Variants in HSD17B12 observed in about 807,000 individuals in gnomAD.
HSD17B12 encodes very-long-chain 3-oxoacyl-CoA reductase.
HSD17B12 carries 32 observed loss-of-function variants against 39.3 expected under a neutral mutation model. The ratio of observed to expected loss-of-function variants is 0.81; its 90% CI spans 0.61 to 1.09. The LOEUF is 1.09. HSD17B12 is among the 50% of genes least tolerant of loss of function. The probability of loss-of-function intolerance (pLI) is 0.00; values close to 1 mark genes in which losing one functional copy is unlikely to be tolerated. For missense variants in HSD17B12, 342 were observed against 382.9 expected (o/e 0.89, Z 0.89); for synonymous variants, 150 against 146.7 (o/e 1.02, Z -0.16).
At chr11:43,586,767 C>T in the HSD17B12 span, among the ~76,000 whole-genome samples, 1 of 152,222 alleles carries the variant, frequency 6.6e-6, no homozygotes, top group African/African-American at 2.4e-5. Context: ...ATATCAGCCA[C>T]TTCGAGGCCA....
chr11:43,634,746 A>G, the HSD17B12 span, among the ~76,000 whole-genome samples: 1 of 152,202 alleles, frequency 6.6e-6, no homozygotes, highest in Admixed American at 6.5e-5. Flanking sequence ...AGGTGGTCCC[A>G]CAGAAGATGG....
chr11:43,581,961 G>T, the HSD17B12 span, among the ~76,000 whole-genome samples: 1 of 152,118 alleles, frequency 6.6e-6, no homozygotes, highest in Non-Finnish European at 1.5e-5. This position sits in a 1 kb window ranked among gnomAD's most constrained non-coding sequence, Gnocchi z 4.9. Context: ...CTTGAGGGAG[G>T]GGCTGGAGGC....
At chr11:43,626,916 A>G in the HSD17B12 span, among the ~76,000 whole-genome samples, 1 of 152,020 alleles carries the variant, frequency 6.6e-6, no homozygotes, top group Non-Finnish European at 1.5e-5. Flanking sequence ...CTGATAGCTA[A>G]ATAGTTACAT....
chr11:43,785,529 A>G (rs539521079), intron 3 of HSD17B12, among the ~76,000 whole-genome samples: 1 of 152,326 alleles, frequency 6.6e-6, no homozygotes, highest in East Asian at 1.9e-4. Flanking sequence ...AGTCTAAAAC[A>G]TAGTTAGATT....
chr11:43,815,496 G>A lies in HSD17B12; in HGVS notation c.451G>A (p.Asp151Asn). The change falls in exon 5 of 11, where the codon GAC becomes AAC. Residue 151 changes from aspartate (D) to asparagine (N), a missense_variant. Asp to Asn is a conservative substitution (Grantham distance 23). Coordinates refer to ENST00000278353, the MANE Select transcript of HSD17B12 (RefSeq NM_016142.3). ...ATACTTTTTGGATGTTCCTGACTTG[G>A]ACAATGTAAGTCTTTCTTTGTGTAT... ...PEYFLDVPDLDNVIKKMININ... is the reference protein window; with the variant it reads ...PEYFLDVPDLNNVIKKMININ... 1 of 1,560,048 alleles carries A rather than the reference G, an allele frequency of 6.4e-7. No individual in the cohort carries two copies. The highest frequency in any genetic ancestry group is 8.8e-7 in the Non-Finnish European group (1 of 1,140,840).
At chr11:43,687,300 C>T (rs1251981215) in intron 1 of HSD17B12, among the ~76,000 whole-genome samples, 1 of 152,188 alleles carries the variant, frequency 6.6e-6, no homozygotes, top group Non-Finnish European at 1.5e-5. Context: ...GAGAGTATGA[C>T]ATAACACTAT....
At chr11:43,844,386 A>G (rs1304879137) in intron 9 of HSD17B12, among the ~76,000 whole-genome samples, 3 of 152,186 alleles carry the variant, frequency 2.0e-5, no homozygotes, top group Non-Finnish European at 4.4e-5. Flanking sequence ...TGGGAATGCA[A>G]AAACACAGTA....
intron 3 of HSD17B12, among the ~76,000 whole-genome samples, chr11:43,782,876 A>G (rs562482173): frequency 3.2e-4 from 49 of 152,348 alleles, no homozygotes; most frequent in African/African-American, 1.1e-3. Context: ...AATAAGAGAC[A>G]AAAGTTATCA....
chr11:43,827,801 A>G (rs946250201), intron 6 of HSD17B12, among the ~76,000 whole-genome samples: 2 of 152,220 alleles, frequency 1.3e-5, no homozygotes, highest in Non-Finnish European at 1.5e-5. Flanking sequence ...GCCAGAATAT[A>G]CATTGCTATA....
At chr11:43,626,499 C>T in the HSD17B12 span, among the ~76,000 whole-genome samples, 1 of 151,632 alleles carries the variant, frequency 6.6e-6, no homozygotes, top group Admixed American at 6.6e-5. Flanking sequence ...GTTTTACATA[C>T]AAATAAATGT....
intron 3 of HSD17B12, among the ~76,000 whole-genome samples, chr11:43,794,558 C>T (rs180825510): frequency 1.3e-5 from 2 of 152,286 alleles, no homozygotes; most frequent in African/African-American, 4.8e-5. Context: ...AGATAATAAA[C>T]AGACTATACT....
rs1950520203 is a variant in HSD17B12, at chr11:43,757,651, A to AAAAAAAAC, written c.283+3537_283+3538insCAAAAAAA. Among the ~76,000 whole-genome samples, 2 of 141,190 alleles carry AAAAAAAAC rather than the reference A, an allele frequency of 1.4e-5. 1 individual carries two copies. The highest frequency in any genetic ancestry group is 4.5e-4 in the South Asian group (2 of 4,450). The allele number at this position is 141,190 out of a possible 152,430, so 92.6% of individuals were successfully genotyped here. On this transcript the variant is annotated intron_variant, in intron 3 of 10. Transcript: ENST00000278353. ...CGAGACTCCGTCTCAAAAAAAAAAA[A>AAAAAAAAC]AAAAAAAAAAAAAAAACAAATAGGT...
the HSD17B12 span, among the ~76,000 whole-genome samples, chr11:43,651,988 G>A: frequency 6.6e-6 from 1 of 152,166 alleles, no homozygotes; most frequent in African/African-American, 2.4e-5. Flanking sequence ...GAAATTTAAA[G>A]AATACATAAG....
intron 1 of HSD17B12, chr11:43,733,867 G>T: frequency 1.5e-6 from 1 of 677,054 alleles, no homozygotes; most frequent in Non-Finnish European, 2.7e-6. Flanking sequence ...GCACAGAGCT[G>T]CGATCTTTGA....
chr11:43,566,534 CTT>C, the HSD17B12 span, among the ~76,000 whole-genome samples: 10,222 of 144,912 alleles, frequency 0.071, 738 homozygotes, highest in East Asian at 0.4. Flanking sequence ...TGACCCAGAA[CTT>C]TTTTTTTTTT....
intron 1 of HSD17B12, among the ~76,000 whole-genome samples, chr11:43,732,803 GTC>G (rs1441708249): frequency 6.6e-6 from 1 of 152,018 alleles, no homozygotes; most frequent in Non-Finnish European, 1.5e-5. Context: ...TTAATTGACA[GTC>G]TCTGTTGCCC....
intron 1 of HSD17B12, among the ~76,000 whole-genome samples, chr11:43,723,546 T>C (rs1434191056): frequency 6.6e-6 from 1 of 152,152 alleles, no homozygotes; most frequent in East Asian, 1.9e-4. Context: ...AAAGGTTAGT[T>C]AGTGGCATAT....
At chr11:43,681,116 G>A in intron 1 of HSD17B12, 129 bp downstream of exon 1, 1 of 1,421,552 alleles carries the variant, frequency 7.0e-7, no homozygotes, top group Non-Finnish European at 9.2e-7. Context: ...AGGCTCCTGT[G>A]CCCCGCGGGC....
intron 1 of HSD17B12, among the ~76,000 whole-genome samples, chr11:43,707,277 G>T (rs918557663): frequency 1.3e-5 from 2 of 152,176 alleles, no homozygotes; most frequent in African/African-American, 4.8e-5. Flanking sequence ...TAAGTTTGGT[G>T]GTGAAACGTA....
Sources: allele counts gnomAD v4.1 joint callset (sites outside exome capture counted in the v4.1 genomes callset), GRCh38; gene constraint gnomAD v4.1.1; non-coding constraint Gnocchi (gnomAD v3.1); transcripts MANE v1.5; gene names NCBI Gene and HGNC (gene_info 2026-07-23, HGNC 2026-07-21).